The following CYFIP2 variants were observed in gnomAD, a reference collection of about 807,000 sequenced individuals.
CYFIP2 encodes cytoplasmic FMR1 interacting protein 2, also known as cytoplasmic FMR1-interacting protein 2.
CYFIP2 carries 29 observed loss-of-function variants against 158.7 expected under a neutral mutation model. The observed-to-expected ratio is 0.18, with a 90% CI of 0.14 to 0.25. The LOEUF is 0.25. CYFIP2 is among the 10% of genes least tolerant of loss of function. The pLI is 1.00. For missense variants in CYFIP2, 852 were observed against 1,639.5 expected, an observed-to-expected ratio of 0.52 and a Z score of 8.29; for synonymous variants, 585 against 617.6, an observed-to-expected ratio of 0.95 and a Z score of 0.78.
intron 13 of CYFIP2, among the ~76,000 whole-genome samples, chr5:157,317,996 G>C (rs1197775597): frequency 6.6e-6 from 1 of 152,044 alleles, no homozygotes; most frequent in Non-Finnish European, 1.5e-5. Flanking sequence ...CCTCTGTCCT[G>C]TCCTGTATCC....
intron 1 of CYFIP2, among the ~76,000 whole-genome samples, chr5:157,270,873 G>A (rs1756035865): frequency 6.6e-6 from 1 of 152,190 alleles, no homozygotes; most frequent in Non-Finnish European, 1.5e-5. Flanking sequence ...CATTCATGAA[G>A]TATTAATTAA....
At chr5:157,302,951 G>A (rs1158942195) in intron 7 of CYFIP2, 61 bp downstream of exon 7, 1 of 1,371,646 alleles carries the variant, frequency 7.3e-7, no homozygotes, top group African/African-American at 1.5e-5. Context: ...CAGGCGTGTA[G>A]AGGTTGGGTG....
At chr5:157,370,025 C>T (rs1434165807) in intron 26 of CYFIP2, among the ~76,000 whole-genome samples, 1 of 152,072 alleles carries the variant, frequency 6.6e-6, no homozygotes, top group African/African-American at 2.4e-5. Context: ...GGATAACAGG[C>T]ACCTGCCACC....
intron 23 of CYFIP2, chr5:157,345,739 G>A (rs1284654576): frequency 6.6e-6 from 1 of 152,656 alleles, no homozygotes; most frequent in Admixed American, 6.5e-5. Context: ...GCAACCAGCA[G>A]GCATCTGTAC....
chr5:157,374,077 G>T (rs1765239024), intron 26 of CYFIP2, among the ~76,000 whole-genome samples: 1 of 152,152 alleles, frequency 6.6e-6, no homozygotes, highest in South Asian at 2.1e-4. Flanking sequence ...TAATGATGAT[G>T]GTCATTGGAA....
rs772435146 is a variant in CYFIP2 at position 157,311,945 on chromosome 5, G to A, written c.1110+164G>A. 9.2e-5 allele frequency among the ~76,000 whole-genome samples: 14 copies of A among 152,176 alleles called. No homozygotes were observed. The highest frequency in any genetic ancestry group is 1.8e-4 in the Non-Finnish European group (12 of 68,016). ...AGGGGTTTTGGAGCCAGGCAGACTG[G>A]GGTGAATTCTGGTGGTGCTGCTGCC... On this transcript the variant is annotated intron_variant, in intron 11 of 30. Coordinates refer to ENST00000620254, the MANE Select transcript of CYFIP2 (RefSeq NM_001037333.3). This position sits in a 1 kb window ranked among gnomAD's most constrained non-coding sequence, Gnocchi z 4.7.
At chr5:157,314,265 G>GTTC (rs2113062610) in intron 11 of CYFIP2, 79 bp from the exon 12 acceptor site, 3 of 1,545,092 alleles carry the variant, frequency 1.9e-6, no homozygotes, top group Non-Finnish European at 2.6e-6. Flanking sequence ...TCCCTGCAGT[G>GTTC]TTCTTGGGGG....
chr5:157,374,348 G>A (rs1765267687), intron 26 of CYFIP2, among the ~76,000 whole-genome samples: 1 of 152,168 alleles, frequency 6.6e-6, no homozygotes, highest in Admixed American at 6.5e-5. Context: ...AATAACGTCT[G>A]CTAGAAAGTG....
At chr5:157,303,326 T>C (rs1758936449) in intron 7 of CYFIP2, among the ~76,000 whole-genome samples, 1 of 152,180 alleles carries the variant, frequency 6.6e-6, no homozygotes, top group South Asian at 2.1e-4. Flanking sequence ...GATACCAGTA[T>C]ATGAAAAGTC....
At chr5:157,312,636 C>A (rs1027082545) in intron 11 of CYFIP2, among the ~76,000 whole-genome samples, 17 of 152,212 alleles carry the variant, frequency 1.1e-4, no homozygotes, top group Non-Finnish European at 2.2e-4. Flanking sequence ...ACTGTACTTT[C>A]CAAACCCCAA....
At chr5:157,318,332 C>A (rs1760316555) in intron 13 of CYFIP2, among the ~76,000 whole-genome samples, 8 of 152,194 alleles carry the variant, frequency 5.3e-5, no homozygotes, top group Admixed American at 5.2e-4. Flanking sequence ...TCCAACAGGC[C>A]TGCCCACTCC....
intron 23 of CYFIP2, among the ~76,000 whole-genome samples, chr5:157,349,781 A>G (rs1762949582): frequency 6.6e-6 from 1 of 152,148 alleles, no homozygotes; most frequent in Non-Finnish European, 1.5e-5. Context: ...AACATCTATT[A>G]TTTTTTGATT....
At chr5:157,290,166 C>G (rs1757706200) in intron 3 of CYFIP2, among the ~76,000 whole-genome samples, 1 of 152,130 alleles carries the variant, frequency 6.6e-6, no homozygotes, top group South Asian at 2.1e-4. Context: ...CTGTTACTGC[C>G]CTAATAGAGT....
intron 26 of CYFIP2, among the ~76,000 whole-genome samples, chr5:157,379,258 AATATAC>A (rs549744188): frequency 6.7e-4 from 102 of 152,240 alleles, no homozygotes; most frequent in African/African-American, 2.4e-3. Flanking sequence ...GATTATAGAT[AATATAC>A]TTACATCTCT....
At chr5:157,281,538 C>A (rs191920364) in intron 1 of CYFIP2, among the ~76,000 whole-genome samples, 1 of 152,034 alleles carries the variant, frequency 6.6e-6, no homozygotes, top group African/African-American at 2.4e-5. Flanking sequence ...AAAAACCAAG[C>A]TTTTATTAGA....
At chr5:157,387,544 C>T (rs1418669333) in intron 28 of CYFIP2, among the ~76,000 whole-genome samples, 1 of 152,170 alleles carries the variant, frequency 6.6e-6, no homozygotes, top group Non-Finnish European at 1.5e-5. Context: ...AAATTGGGGT[C>T]TTTTATTTAC....
intron 30 of CYFIP2, among the ~76,000 whole-genome samples, chr5:157,392,057 ATCT>A (rs1291094363): frequency 6.6e-6 from 1 of 152,146 alleles, no homozygotes; most frequent in Admixed American, 6.5e-5. Context: ...CCATTTGTAT[ATCT>A]TCTTTAGAAA....
At chr5:157,318,389 CT>C (rs1760321228) in intron 13 of CYFIP2, among the ~76,000 whole-genome samples, 1 of 152,162 alleles carries the variant, frequency 6.6e-6, no homozygotes, top group Non-Finnish European at 1.5e-5. Context: ...TTACTCCTTC[CT>C]TTTTCCTAAT....
intron 23 of CYFIP2, chr5:157,343,178 A>G: frequency 6.2e-7 from 1 of 1,614,246 alleles, no homozygotes; most frequent in Non-Finnish European, 8.5e-7. Flanking sequence ...GCAGGCCAGC[A>G]GAATGGCCAT....
Sources: gnomAD v4.1 joint callset for allele counts (sites outside exome capture counted in the v4.1 genomes callset) on GRCh38, gnomAD v4.1.1 for gene constraint, Gnocchi (gnomAD v3.1) non-coding constraint, MANE v1.5 for transcripts, NCBI Gene and HGNC (gene_info 2026-07-23, HGNC 2026-07-21) for gene names.